The following EPHB2 variants were observed in gnomAD, a reference collection of about 807,000 sequenced individuals.
EPHB2 encodes the protein EPH receptor B2.
In EPHB2, 18 loss-of-function variants were observed where a neutral mutation model predicts 96.4. The ratio of observed to expected loss-of-function variants is 0.19; its 90% CI spans 0.13 to 0.28. The LOEUF (loss-of-function observed/expected upper bound fraction) is 0.28, where lower values mean the gene tolerates loss of function less well. EPHB2 is among the 10% of genes least tolerant of loss of function. The probability of loss-of-function intolerance (pLI) is 1.00; values close to 1 mark genes in which losing one functional copy is unlikely to be tolerated. For missense variants in EPHB2, 989 were observed against 1,355.4 expected, an observed-to-expected ratio of 0.73 and a Z score of 4.25; for synonymous variants, 506 against 534.1, an observed-to-expected ratio of 0.95 and a Z score of 0.72.
At chr1:22,903,365 G>A (rs1472378965) in intron 9 of EPHB2, among the ~76,000 whole-genome samples, 1 of 152,246 alleles carries the variant, frequency 6.6e-6, no homozygotes, top group Non-Finnish European at 1.5e-5. Context: ...GCAAGCAAGA[G>A]AGCATCCCCA....
intron 1 of EPHB2, among the ~76,000 whole-genome samples, chr1:22,752,648 G>A (rs1180897498): frequency 6.6e-6 from 1 of 151,168 alleles, no homozygotes; most frequent in Non-Finnish European, 1.5e-5. Context: ...GAGCAGAGTT[G>A]GATCCAGGCT....
chr1:22,737,431 C>T (rs1375404945), intron 1 of EPHB2, among the ~76,000 whole-genome samples: 2 of 152,216 alleles, frequency 1.3e-5, no homozygotes, highest in African/African-American at 2.4e-5. Context: ...ATGTCATTCT[C>T]ATCCATAAAC....
intron 1 of EPHB2, among the ~76,000 whole-genome samples, chr1:22,715,214 A>C (rs1472812058): frequency 2.0e-5 from 3 of 152,262 alleles, no homozygotes; most frequent in Non-Finnish European, 4.4e-5. Flanking sequence ...AGGGAAGTCC[A>C]TCTGGCAGAG....
chr1:22,892,805 A>G (rs1172513674), intron 6 of EPHB2, 79 bp from the exon 7 acceptor site: 22 of 1,566,274 alleles, frequency 1.4e-5, no homozygotes, highest in East Asian at 4.5e-5. Flanking sequence ...CCTGCCCCCA[A>G]TGTGGCAGGA....
rs565634822 is a variant in EPHB2 at position 22,891,790 on chromosome 1, T to C, written c.1429-1094T>C. Among the ~76,000 whole-genome samples the C allele has an allele frequency of 4.8e-3, 561 of 117,378 alleles. 4 individuals are homozygous for C. Among genetic ancestry groups the C allele is most frequent in the Middle Eastern group, 0.029 (7 of 244 alleles). The allele number at this position is 117,378 out of a possible 152,430, so 77.0% of individuals were successfully genotyped here. A position where few individuals can be genotyped will look rare whatever the true frequency, so the allele number is the denominator to read the frequency against. On this transcript the variant is annotated intron_variant, in intron 6 of 15. Coordinates refer to ENST00000374630, the MANE Select transcript of EPHB2 (RefSeq NM_017449.5). ...CCATGCAAGAGTCTGGTTTCTTTTT[T>C]TTTTGTTGTTGTTGTATTTTTTTAG... is the stretch of plus-strand genomic sequence containing the variant.
intron 1 of EPHB2, among the ~76,000 whole-genome samples, chr1:22,730,697 G>A (rs12732926): frequency 0.24 from 36,596 of 152,004 alleles, 4,981 homozygotes; most frequent in Middle Eastern, 0.34. Flanking sequence ...TGTGACAGGG[G>A]TGTGCAAGGC....
intron 3 of EPHB2, among the ~76,000 whole-genome samples, chr1:22,843,977 A>G (rs1645505324): frequency 6.6e-6 from 1 of 152,254 alleles, no homozygotes; most frequent in African/African-American, 2.4e-5. Context: ...ACGCTGTTGC[A>G]AAGGCTTTTT....
chr1:22,821,144 G>A (rs1645146715), intron 3 of EPHB2, among the ~76,000 whole-genome samples: 1 of 152,168 alleles, frequency 6.6e-6, no homozygotes, highest in African/African-American at 2.4e-5. Context: ...CCAGCCAGGA[G>A]GAAAGAGGAA....
At chr1:22,780,072 G>A (rs1242879199) in intron 1 of EPHB2, among the ~76,000 whole-genome samples, 2 of 152,236 alleles carry the variant, frequency 1.3e-5, no homozygotes, top group Non-Finnish European at 2.9e-5. Context: ...AGGGCACCCA[G>A]TGCAGCGCCT....
chr1:22,810,733 C>T (rs1312048579), intron 3 of EPHB2, among the ~76,000 whole-genome samples: 1 of 152,202 alleles, frequency 6.6e-6, no homozygotes, highest in Non-Finnish European at 1.5e-5. Context: ...AGTCTCTCTG[C>T]CTTCCCATCC....
At chr1:22,773,297 G>T (rs1644403813) in intron 1 of EPHB2, among the ~76,000 whole-genome samples, 1 of 152,216 alleles carries the variant, frequency 6.6e-6, no homozygotes, top group Non-Finnish European at 1.5e-5. Context: ...TGAAAAGAGT[G>T]CTGTGACCAT....
intron 15 of EPHB2, 116 bp downstream of exon 15, chr1:22,912,715 G>C: frequency 6.6e-7 from 1 of 1,520,082 alleles, no homozygotes; most frequent in Non-Finnish European, 9.0e-7. Context: ...AGGGAAGCAG[G>C]GACCAAGGGG....
chr1:22,777,453 C>G (rs2817911), intron 1 of EPHB2, among the ~76,000 whole-genome samples: 151,971 of 152,294 alleles, frequency 1, 75,824 homozygotes, highest in Middle Eastern at 1. Context: ...TGGGATTGGA[C>G]GGGAGACGTC....
At chr1:22,760,125 A>G (rs1183797356) in intron 1 of EPHB2, among the ~76,000 whole-genome samples, 1 of 152,238 alleles carries the variant, frequency 6.6e-6, no homozygotes, top group South Asian at 2.1e-4. Flanking sequence ...AAAGAAGTTC[A>G]TGCTTGGCTT....
intron 3 of EPHB2, among the ~76,000 whole-genome samples, chr1:22,797,294 A>G (rs893068562): frequency 4.6e-5 from 7 of 152,138 alleles, no homozygotes; most frequent in Non-Finnish European, 7.4e-5. Context: ...AGTGATGTCC[A>G]TGTTGCCAAG....
At chr1:22,862,920 G>A (rs1638316554) in intron 3 of EPHB2, 117 bp from the exon 4 acceptor site, 1 of 1,330,360 alleles carries the variant, frequency 7.5e-7, no homozygotes, top group Admixed American at 1.7e-5. Flanking sequence ...TTTTCCAGCA[G>A]TGGTGCTGCA....
chr1:22,772,318 C>T (rs542457624), intron 1 of EPHB2, among the ~76,000 whole-genome samples: 21 of 152,234 alleles, frequency 1.4e-4, no homozygotes, highest in South Asian at 4.1e-4. Context: ...GGGACTCCTC[C>T]GCCTAGGCCT....
At chr1:22,851,246 C>G (rs1429282833) in intron 3 of EPHB2, among the ~76,000 whole-genome samples, 1 of 152,210 alleles carries the variant, frequency 6.6e-6, no homozygotes, top group Non-Finnish European at 1.5e-5. Context: ...GATCCTCCCG[C>G]CTTGGCCTCC....
chr1:22,720,611 C>T (rs1480122206), intron 1 of EPHB2, among the ~76,000 whole-genome samples: 2 of 148,894 alleles, frequency 1.3e-5, no homozygotes, highest in Non-Finnish European at 3.0e-5. Flanking sequence ...AGTTTATCGT[C>T]CAGTCCAGGG....
Sources: gnomAD v4.1 joint callset for allele counts (sites outside exome capture counted in the v4.1 genomes callset) on GRCh38, gnomAD v4.1.1 for gene constraint, MANE v1.5 for transcripts, NCBI Gene and HGNC (gene_info 2026-07-23, HGNC 2026-07-21) for gene names.